SPECC1: variants seen among roughly 807,000 people sequenced by gnomAD.
SPECC1 encodes the protein cytospin-B.
A neutral mutation model predicts 104.1 loss-of-function variants in SPECC1; 62 were observed. The observed-to-expected ratio is 0.60, with a 90% CI of 0.49 to 0.74. SPECC1 has a LOEUF of 0.74. Among genes scored for constraint, SPECC1 ranks in the 30% least tolerant of loss-of-function variants. The probability of loss-of-function intolerance (pLI) is 0.00; values close to 1 mark genes in which losing one functional copy is unlikely to be tolerated. For synonymous variants in SPECC1, 513 were observed against 501.6 expected (o/e 1.02, Z -0.30); for missense variants, 1,306 against 1,310.5 (o/e 1.00, Z 0.05).
intron 3 of SPECC1, among the ~76,000 whole-genome samples, chr17:20,182,324 C>T (rs2034965557): frequency 6.6e-6 from 1 of 152,102 alleles, no homozygotes; most frequent in African/African-American, 2.4e-5. Context: ...CCGTGTTGCT[C>T]AGGCTAGCAG....
At chr17:20,248,730 T>C (rs1164818484) in intron 9 of SPECC1, among the ~76,000 whole-genome samples, 1 of 152,246 alleles carries the variant, frequency 6.6e-6, no homozygotes, top group Non-Finnish European at 1.5e-5. Flanking sequence ...TTATGTTTTG[T>C]AAGAAGTATT....
chr17:20,112,532 A>G (rs1476727155), intron 3 of SPECC1: 7 of 776,726 alleles, frequency 9.0e-6, no homozygotes, highest in African/African-American at 1.7e-5. Context: ...CCTTTGAAAC[A>G]TTAACTTCAA....
intron 14 of SPECC1, among the ~76,000 whole-genome samples, chr17:20,313,623 A>G (rs1173790420): frequency 6.6e-6 from 1 of 152,210 alleles, no homozygotes; most frequent in Non-Finnish European, 1.5e-5. Context: ...AGTCTGGGGA[A>G]TTAGAGGTGG....
intron 3 of SPECC1, among the ~76,000 whole-genome samples, chr17:20,141,156 A>G (rs1330065827): frequency 6.6e-6 from 1 of 152,138 alleles, no homozygotes; most frequent in African/African-American, 2.4e-5. Context: ...TCCTTCAAAA[A>G]GCGTTTCTTG....
intron 3 of SPECC1, among the ~76,000 whole-genome samples, chr17:20,185,799 C>A (rs1016578630): frequency 3.9e-5 from 6 of 152,166 alleles, no homozygotes; most frequent in African/African-American, 9.7e-5. Context: ...TAGTGATAAT[C>A]ACAGGAGTCT....
intron 4 of SPECC1, among the ~76,000 whole-genome samples, chr17:20,217,119 G>A (rs930537805): frequency 3.3e-5 from 5 of 152,184 alleles, no homozygotes; most frequent in Admixed American, 6.5e-5. Flanking sequence ...CTTGATACAT[G>A]CTGGATTACT....
At position 20,283,003 on chromosome 17, in the gene SPECC1, A is replaced by AC. The variant is rs767832201; in HGVS notation, c.2941-13954dup. On this transcript the variant is annotated intron_variant, in intron 12 of 14. Transcript: ENST00000395527. ...AGACCAGCCTGGGCAACATAGTGAG[A>AC]CCCCATCTCTAAGAAAAGATGAAAA... Among the ~76,000 whole-genome samples the AC allele has an allele frequency of 1.1e-4, 16 of 151,902 alleles. No individual in the cohort carries two copies. In the East Asian group the frequency reaches 3.1e-3, roughly 29 times the overall value.
At chr17:20,087,895 G>C (rs1444037151) in intron 1 of SPECC1, among the ~76,000 whole-genome samples, 1 of 152,126 alleles carries the variant, frequency 6.6e-6, no homozygotes, top group Non-Finnish European at 1.5e-5. Flanking sequence ...GTATAAGAAA[G>C]ACGCCTCCTA....
intron 3 of SPECC1, chr17:20,156,273 A>T (rs2032504101): frequency 7.8e-7 from 1 of 1,285,224 alleles, no homozygotes. Flanking sequence ...CGCAGCCGCA[A>T]CCCCACCCCC....
chr17:20,156,027 G>C (rs989165563), intron 3 of SPECC1: 2 of 1,286,330 alleles, frequency 1.6e-6, no homozygotes, highest in Non-Finnish European at 2.0e-6. Flanking sequence ...GCGCGGGAGA[G>C]CAGCGGCTCC....
chr17:20,165,828 G>A (rs926530197), intron 3 of SPECC1, among the ~76,000 whole-genome samples: 4 of 151,976 alleles, frequency 2.6e-5, no homozygotes, highest in Admixed American at 6.6e-5. Context: ...ACGTTTGTTG[G>A]CTGCATAAAT....
At chr17:20,015,582 C>CTTTTTTTTT (rs1469162594) in intron 1 of SPECC1, among the ~76,000 whole-genome samples, 6 of 81,058 alleles carry the variant, frequency 7.4e-5, no homozygotes, top group Admixed American at 1.3e-4. Flanking sequence ...TTCCGGGTCT[C>CTTTTTTTTT]TATTTTTTTT....
chr17:20,221,318 A>C, intron 4 of SPECC1, among the ~76,000 whole-genome samples: 1 of 152,008 alleles, frequency 6.6e-6, no homozygotes, highest in Non-Finnish European at 1.5e-5. Context: ...GGGACTTTTT[A>C]TTCTGGCTTT....
intron 1 of SPECC1, among the ~76,000 whole-genome samples, chr17:20,023,830 G>A (rs1305852133): frequency 2.0e-5 from 3 of 151,092 alleles, no homozygotes; most frequent in East Asian, 1.9e-4. Flanking sequence ...AACATGGAAA[G>A]CATCTCAGCT....
chr17:20,205,664 G>T lies in SPECC1; in HGVS notation c.1615G>T (p.Glu539Ter). 1 of 1,614,240 alleles carries T rather than the reference G, an allele frequency of 6.2e-7. No homozygotes were observed. Among genetic ancestry groups the T allele is most frequent in the Non-Finnish European group, 8.5e-7 (1 of 1,180,040 alleles). ...TAACATGATGGCCAAAACTTTGGAA[G>T]AGTGTAGAGTTACCTTGGAAGGGCT... is the stretch of plus-strand genomic sequence containing the variant. The part of the protein sequence containing the change: ...NNNMMAKTLE[E>*]CRVTLEGLKM... The change falls in exon 4 of 15, where the codon GAG (glutamate) becomes TAG (stop). Residue 539 changes from glutamate to a stop codon, truncating the protein, a stop_gained. Coordinates refer to ENST00000395527, the MANE Select transcript of SPECC1 (RefSeq NM_001243439.2). LOFTEE classifies it high-confidence loss of function.
chr17:20,222,545 C>G (rs553649376), intron 4 of SPECC1, among the ~76,000 whole-genome samples: 7 of 152,188 alleles, frequency 4.6e-5, no homozygotes, highest in Non-Finnish European at 8.8e-5. Context: ...TTGTTGTTGT[C>G]TGTTGTTTCT....
At chr17:20,218,289 C>G (rs1055644394) in intron 4 of SPECC1, among the ~76,000 whole-genome samples, 4 of 152,050 alleles carry the variant, frequency 2.6e-5, no homozygotes, top group Non-Finnish European at 5.9e-5. Context: ...CTGCCCACCC[C>G]CCAACCCTGC....
chr17:20,103,235 C>T (rs1345686857), intron 2 of SPECC1, among the ~76,000 whole-genome samples: 5 of 152,176 alleles, frequency 3.3e-5, no homozygotes, highest in Non-Finnish European at 7.3e-5. Flanking sequence ...GAATGCCTCC[C>T]TGCCCTCTCT....
In SPECC1 at chr17:20,057,970, C is replaced by T. The variant is rs74896076; in HGVS notation, c.-21-38661C>T. Among the ~76,000 whole-genome samples the T allele has an allele frequency of 2.0e-3, 298 of 152,116 alleles. 5 individuals are homozygous for T. The highest frequency in any genetic ancestry group is 3.3e-3 in the East Asian group (17 of 5,184). On this transcript the variant is annotated intron_variant, in intron 1 of 14. Coordinates refer to ENST00000395527, the MANE Select transcript of SPECC1 (RefSeq NM_001243439.2). Reference sequence around the variant, plus strand: ...ATTTGTGAAGAAAACTGTCAACTCTCGGGGAAGTCAAACTCGTGGAGATTT... The same window carrying T: ...ATTTGTGAAGAAAACTGTCAACTCTTGGGGAAGTCAAACTCGTGGAGATTT...
Sources: allele counts gnomAD v4.1 joint callset (sites outside exome capture counted in the v4.1 genomes callset), GRCh38; gene constraint gnomAD v4.1.1; transcripts MANE v1.5; gene names NCBI Gene and HGNC (gene_info 2026-07-23, HGNC 2026-07-21).